Variants in NCKAP5 observed in about 807,000 individuals in gnomAD.
The protein encoded by NCKAP5 is nck-associated protein 5.
A neutral mutation model predicts 167.0 loss-of-function variants in NCKAP5; 92 were observed. That is an observed-to-expected ratio of 0.55 (90% CI 0.47 to 0.66). NCKAP5 has a LOEUF of 0.66. Among genes scored for constraint, NCKAP5 ranks in the 30% least tolerant of loss-of-function variants. The probability of loss-of-function intolerance (pLI) is 0.00; values close to 1 mark genes in which losing one functional copy is unlikely to be tolerated. For synonymous variants in NCKAP5, 891 were observed against 877.4 expected (o/e 1.02, Z -0.27); for missense variants, 2,378 against 2,315.0 (o/e 1.03, Z -0.56).
intron 5 of NCKAP5, among the ~76,000 whole-genome samples, chr2:133,157,816 G>C (rs2149919527): frequency 6.6e-6 from 1 of 152,284 alleles, no homozygotes; most frequent in East Asian, 1.9e-4. Context: ...TAATGGGAAT[G>C]CTTGCTCAAA....
chr2:133,286,277 T>C (rs1411837391), intron 4 of NCKAP5, among the ~76,000 whole-genome samples: 4 of 152,108 alleles, frequency 2.6e-5, no homozygotes, highest in Non-Finnish European at 5.9e-5. Flanking sequence ...ATTACAGGCG[T>C]GAGACACCAC....
At chr2:132,999,431 AAATAC>A (rs1035238267) in intron 6 of NCKAP5, among the ~76,000 whole-genome samples, 1 of 152,200 alleles carries the variant, frequency 6.6e-6, no homozygotes, top group Admixed American at 6.5e-5. Flanking sequence ...CCTCCTTTTA[AAATAC>A]GGACCACTGG....
intron 8 of NCKAP5, among the ~76,000 whole-genome samples, chr2:132,954,930 C>T (rs760822156): frequency 2.6e-5 from 4 of 152,124 alleles, no homozygotes; most frequent in Non-Finnish European, 5.9e-5. Context: ...TGTCTCAAAT[C>T]CTAGCTTAGT....
In NCKAP5 at chr2:133,061,664, G is replaced by A. The variant is rs573091847; in HGVS notation, c.342-67425C>T. On this transcript the variant is annotated intron_variant, in intron 6 of 19. Coordinates refer to ENST00000409261, the MANE Select transcript of NCKAP5 (RefSeq NM_207363.3). ...GAACCAGATGAACACATTGTCTGAC[G>A]GAACTGCCAAACCTCCTCTTTCGAT... 8.5e-4 allele frequency among the ~76,000 whole-genome samples: 130 copies of A among 152,282 alleles called. No individual in the cohort carries two copies. The Middle Eastern group carries it at 0.01, about 12-fold the overall frequency.
At chr2:133,056,575 A>G (rs1296587949) in intron 6 of NCKAP5, among the ~76,000 whole-genome samples, 1 of 152,236 alleles carries the variant, frequency 6.6e-6, no homozygotes, top group Non-Finnish European at 1.5e-5. Context: ...AATGCTAAAT[A>G]AAGCTAGATG....
At chr2:133,440,578 C>T (rs983065691) in intron 3 of NCKAP5, among the ~76,000 whole-genome samples, 3 of 151,786 alleles carry the variant, frequency 2.0e-5, no homozygotes, top group Non-Finnish European at 4.4e-5. Flanking sequence ...GGCGTGATGG[C>T]GGGCACCTGA....
intron 19 of NCKAP5, among the ~76,000 whole-genome samples, chr2:132,678,792 C>T (rs1684826759): frequency 1.3e-5 from 2 of 152,144 alleles, no homozygotes; most frequent in South Asian, 4.1e-4. Context: ...AGCCTGACTA[C>T]AGGACTTGGG....
At chr2:133,584,099 A>G in the NCKAP5 span, among the ~76,000 whole-genome samples, 1 of 152,254 alleles carries the variant, frequency 6.6e-6, no homozygotes, top group Non-Finnish European at 1.5e-5. Context: ...ATTTTCCATA[A>G]TAAATATGTT....
chr2:132,893,549 A>G (rs890269475), intron 8 of NCKAP5, among the ~76,000 whole-genome samples: 2 of 152,230 alleles, frequency 1.3e-5, no homozygotes, highest in Non-Finnish European at 2.9e-5. Context: ...CATATATTTA[A>G]ACACACACAC....
intron 3 of NCKAP5, among the ~76,000 whole-genome samples, chr2:133,491,004 G>T (rs1559523740): frequency 6.6e-6 from 1 of 152,212 alleles, no homozygotes. Context: ...TCAGGGAAAT[G>T]CTAAGCTGTG....
At chr2:133,130,797 G>A (rs1047735469) in intron 5 of NCKAP5, among the ~76,000 whole-genome samples, 1 of 152,196 alleles carries the variant, frequency 6.6e-6, no homozygotes, top group Non-Finnish European at 1.5e-5. Flanking sequence ...AGATCCTCCT[G>A]ATAGCACTGA....
chr2:133,645,771 AC>A, the NCKAP5 span, among the ~76,000 whole-genome samples: 1 of 152,154 alleles, frequency 6.6e-6, no homozygotes, highest in Admixed American at 6.5e-5. Flanking sequence ...AATAAGAGTT[AC>A]AAGCTATAAT....
At chr2:132,921,488 G>A (rs1695427802) in intron 8 of NCKAP5, among the ~76,000 whole-genome samples, 1 of 152,182 alleles carries the variant, frequency 6.6e-6, no homozygotes, top group African/African-American at 2.4e-5. Flanking sequence ...CTAGGTACCA[G>A]AAATATGCAG....
chr2:133,574,482 CCT>C, the NCKAP5 span, among the ~76,000 whole-genome samples: 2 of 152,180 alleles, frequency 1.3e-5, no homozygotes, highest in Non-Finnish European at 2.9e-5. Flanking sequence ...TCAGCCAGCC[CCT>C]GAGTTCCTCC....
intron 8 of NCKAP5, among the ~76,000 whole-genome samples, chr2:132,913,047 T>TA (rs895048996): frequency 6.6e-6 from 1 of 152,064 alleles, no homozygotes; most frequent in African/African-American, 2.4e-5. Flanking sequence ...GTCTCTTCCC[T>TA]ATACTTAAGA....
intron 3 of NCKAP5, among the ~76,000 whole-genome samples, chr2:133,386,992 C>G (rs1439170840): frequency 6.6e-6 from 1 of 152,150 alleles, no homozygotes; most frequent in Non-Finnish European, 1.5e-5. Flanking sequence ...GGTCTTGACT[C>G]TTATCCAATT....
intron 7 of NCKAP5, among the ~76,000 whole-genome samples, chr2:132,968,479 C>T (rs1365701433): frequency 6.6e-6 from 1 of 152,078 alleles, no homozygotes; most frequent in East Asian, 1.9e-4. Context: ...AAAATCATTC[C>T]AACTTTTTAG....
chr2:132,994,271 AG>A (rs1428710308), intron 6 of NCKAP5, 32 bp from the exon 7 acceptor site: 5 of 1,487,510 alleles, frequency 3.4e-6, no homozygotes, highest in Middle Eastern at 1.7e-4. Context: ...AATTTCTTAA[AG>A]AAGGTTTCTA....
chr2:133,386,173 T>C (rs189667920), intron 3 of NCKAP5, among the ~76,000 whole-genome samples: 268 of 152,334 alleles, frequency 1.8e-3, no homozygotes, highest in African/African-American at 5.6e-3. Context: ...CGGCTTTCTC[T>C]TGTGGGCATT....
Sources: gnomAD v4.1 joint callset for allele counts (sites outside exome capture counted in the v4.1 genomes callset) on GRCh38, gnomAD v4.1.1 for gene constraint, MANE v1.5 for transcripts, NCBI Gene and HGNC (gene_info 2026-07-23, HGNC 2026-07-21) for gene names.